CSRP3: variants seen among roughly 807,000 people sequenced by gnomAD.
The protein encoded by CSRP3 is cysteine and glycine rich protein 3, also known as cysteine and glycine-rich protein 3.
In CSRP3, 24 loss-of-function variants were observed where a neutral mutation model predicts 24.3. The observed-to-expected ratio is 0.99, with a 90% CI of 0.71 to 1.39. The LOEUF is 1.39. Among genes scored for constraint, CSRP3 ranks in the 40% most tolerant of loss-of-function variants. The pLI is 0.00. For synonymous variants in CSRP3, 105 were observed against 94.0 expected (o/e 1.12, Z -0.68); for missense variants, 240 against 249.0 (o/e 0.96, Z 0.24).
intron 1 of CSRP3, among the ~76,000 whole-genome samples, chr11:19,195,925 G>C (rs977871170): frequency 1.3e-5 from 2 of 152,132 alleles, no homozygotes; most frequent in Admixed American, 6.5e-5. Context: ...AACCATGGAG[G>C]CTAAACAGAA....
In CSRP3 at chr11:19,185,798, C is replaced by T. The variant is rs79793304; in HGVS notation, c.414+418G>A. ...TGACTTTCCTGAGAGCCAGGAAGTT[C>T]GTAAGTGAGGATGCTTCTCACTACT... On this transcript the variant is annotated intron_variant, in intron 4 of 5. Transcript: ENST00000265968. Among the ~76,000 whole-genome samples, 56 of 152,252 alleles carry T rather than the reference C, an allele frequency of 3.7e-4. 1 individual carries two copies. The East Asian group carries it at 9.8e-3, about 27-fold the overall frequency.
At chr11:19,199,363 A>C (rs1850798252) in intron 1 of CSRP3, among the ~76,000 whole-genome samples, 1 of 152,108 alleles carries the variant, frequency 6.6e-6, no homozygotes, top group Non-Finnish European at 1.5e-5. Flanking sequence ...AATAAACCTG[A>C]GTGTTGGCTC....
chr11:19,190,167 G>A (rs1161547164), intron 2 of CSRP3, among the ~76,000 whole-genome samples: 2 of 152,226 alleles, frequency 1.3e-5, no homozygotes, highest in African/African-American at 4.8e-5. Flanking sequence ...AAGTTGCAGA[G>A]CCACGGCTTA....
intron 1 of CSRP3, among the ~76,000 whole-genome samples, chr11:19,198,668 C>T (rs1054882585): frequency 4.6e-5 from 7 of 152,226 alleles, no homozygotes; most frequent in African/African-American, 1.7e-4. Flanking sequence ...CTCTCAAACC[C>T]TCTCCTTTAT....
chr11:19,183,688 C>T (rs61603485), intron 5 of CSRP3, among the ~76,000 whole-genome samples: 401 of 152,206 alleles, frequency 2.6e-3, no homozygotes, highest in African/African-American at 9.2e-3. Context: ...CTGAGGACCC[C>T]GTAGGTCTTC....
intron 1 of CSRP3, among the ~76,000 whole-genome samples, chr11:19,199,709 A>G (rs1850804327): frequency 6.6e-6 from 1 of 152,196 alleles, no homozygotes; most frequent in South Asian, 2.1e-4. Flanking sequence ...CCTAGGCCAT[A>G]AACGACCATC....
intron 1 of CSRP3, among the ~76,000 whole-genome samples, chr11:19,198,353 C>A (rs186846996): frequency 2.0e-5 from 3 of 152,184 alleles, no homozygotes; most frequent in Non-Finnish European, 4.4e-5. Context: ...GGAATTGAGA[C>A]GTGACCAATC....
At chr11:19,186,501 T>C (rs1850529300) in intron 3 of CSRP3, among the ~76,000 whole-genome samples, 153 bp from the exon 4 acceptor site, 1 of 152,204 alleles carries the variant, frequency 6.6e-6, no homozygotes, top group Non-Finnish European at 1.5e-5. Flanking sequence ...CATAGCGTTG[T>C]TGAGAGGGTT....
intron 5 of CSRP3, among the ~76,000 whole-genome samples, chr11:19,183,583 G>A (rs577666462): frequency 7.9e-5 from 12 of 152,066 alleles, no homozygotes; most frequent in Admixed American, 6.5e-4. Flanking sequence ...CTCTACTATA[G>A]ACTTTTTTTT....
chr11:19,194,643 A>T (rs1472997061), intron 1 of CSRP3, among the ~76,000 whole-genome samples: 2 of 152,188 alleles, frequency 1.3e-5, no homozygotes, highest in Non-Finnish European at 2.9e-5. Context: ...TGATCACACC[A>T]CTCTACTTCA....
intron 1 of CSRP3, among the ~76,000 whole-genome samples, chr11:19,198,673 C>T (rs140868132): frequency 3.5e-4 from 53 of 152,282 alleles, no homozygotes; most frequent in Non-Finnish European, 7.1e-4. Flanking sequence ...AAACCCTCTC[C>T]TTTATTCACT....
chr11:19,193,820 A>T (rs1480204164), intron 1 of CSRP3, among the ~76,000 whole-genome samples: 3 of 152,266 alleles, frequency 2.0e-5, no homozygotes, highest in Non-Finnish European at 2.9e-5. Flanking sequence ...TCCGTCTCAA[A>T]AAATAAATAA....
At chr11:19,201,046 C>T (rs944393449) in intron 1 of CSRP3, among the ~76,000 whole-genome samples, 13 of 152,134 alleles carry the variant, frequency 8.5e-5, no homozygotes, top group African/African-American at 3.1e-4. Context: ...AAATTAGAGT[C>T]GGCAGCTTGG....
In CSRP3 at chr11:19,189,433, T is replaced by C. The variant is rs573834549; in HGVS notation, c.113-1129A>G. ...GATTCTTAAAGGTTGTTTATAGTGA[T>C]GCTCAGTGCTTATAATAGGGAGATA... is the stretch of plus-strand genomic sequence containing the variant. On this transcript the variant is annotated intron_variant, in intron 2 of 5. Transcript: ENST00000265968. Among the ~76,000 whole-genome samples the C allele has an allele frequency of 5.9e-5, 9 of 152,356 alleles. No homozygotes were observed. The South Asian group carries it at 1.9e-3, about 32-fold the overall frequency.
At chr11:19,183,687 C>T (rs1484415929) in intron 5 of CSRP3, among the ~76,000 whole-genome samples, 1 of 152,154 alleles carries the variant, frequency 6.6e-6, no homozygotes, top group Non-Finnish European at 1.5e-5. Flanking sequence ...GCTGAGGACC[C>T]CGTAGGTCTT....
At chr11:19,188,019 C>A (rs931895322) in intron 3 of CSRP3, 117 bp downstream of exon 3, 6 of 1,200,456 alleles carry the variant, frequency 5.0e-6, no homozygotes, top group Non-Finnish European at 7.4e-6. Context: ...CTATTGTTGG[C>A]AAGTCAACAA....
Position 19,186,271 on chromosome 11 carries a change from C to A in CSRP3, c.359G>T (p.Cys120Phe). The A allele has an allele frequency of 1.2e-6, 2 of 1,614,186 alleles. No individual in the cohort carries two copies. The highest frequency in any genetic ancestry group is 2.2e-5 in the East Asian group (1 of 44,888). Reference sequence around the variant, plus strand: ...ATAGACTGACTTGCCACATCGAGGGCACTTCTCGGACTCTCCAAACTTCGC... The same window carrying A: ...ATAGACTGACTTGCCACATCGAGGGAACTTCTCGGACTCTCCAAACTTCGC... ...FTAKFGESEK[C>F]PRCGKSVYAA... The change falls in exon 4 of 6, where the codon TGC becomes TTC. Residue 120 changes from cysteine (C) to phenylalanine (F), a missense_variant. By Grantham distance (205) the Cys-to-Phe change is radical (BLOSUM62 -2). Transcript: ENST00000265968.
intron 1 of CSRP3, among the ~76,000 whole-genome samples, chr11:19,198,274 G>C (rs912872114): frequency 3.9e-5 from 6 of 152,310 alleles, no homozygotes; most frequent in African/African-American, 7.2e-5. Flanking sequence ...TGTATCTCAT[G>C]CTCCTGTTTA....
chr11:19,187,993 G>A (rs1850554118), intron 3 of CSRP3, 143 bp downstream of exon 3: 2 of 973,358 alleles, frequency 2.1e-6, no homozygotes, highest in Non-Finnish European at 3.3e-6. Context: ...TTCAAACTTG[G>A]TCAGACTGAG....
Sources: gnomAD v4.1 joint callset for allele counts (sites outside exome capture counted in the v4.1 genomes callset) on GRCh38, gnomAD v4.1.1 for gene constraint, MANE v1.5 for transcripts, NCBI Gene and HGNC (gene_info 2026-07-23, HGNC 2026-07-21) for gene names.